Variants in FAM135B observed in about 807,000 individuals in gnomAD.
FAM135B encodes protein FAM135B.
A neutral mutation model predicts 127.7 loss-of-function variants in FAM135B; 43 were observed. That is an observed-to-expected ratio of 0.34 (90% CI 0.26 to 0.43). FAM135B has a LOEUF of 0.43. Ranked by LOEUF, FAM135B falls within the 20% of genes least tolerant of loss-of-function variation. The probability of loss-of-function intolerance (pLI) is 1.00; values close to 1 mark genes in which losing one functional copy is unlikely to be tolerated. For synonymous variants in FAM135B, 670 were observed against 665.1 expected (o/e 1.01, Z -0.11); for missense variants, 1,558 against 1,725.6 (o/e 0.90, Z 1.72).
At chr8:138,334,944 A>G (rs1828455640) in intron 2 of FAM135B, among the ~76,000 whole-genome samples, 1 of 152,184 alleles carries the variant, frequency 6.6e-6, no homozygotes, top group African/African-American at 2.4e-5. Flanking sequence ...GCAGAATCTT[A>G]TTTTTGTTTA....
intron 1 of FAM135B, among the ~76,000 whole-genome samples, chr8:138,492,123 A>G (rs1815227490): frequency 6.6e-6 from 1 of 152,108 alleles, no homozygotes; most frequent in Non-Finnish European, 1.5e-5. Flanking sequence ...CACAGTAGAC[A>G]CTGGGAAGCA....
chr8:138,440,171 A>G (rs1835679644), intron 1 of FAM135B: 1 of 152,168 alleles, frequency 6.6e-6, no homozygotes, highest in South Asian at 2.1e-4. Flanking sequence ...CATCTCAGTT[A>G]AGACTTAAAG....
intron 1 of FAM135B, among the ~76,000 whole-genome samples, chr8:138,428,075 A>G (rs185377597): frequency 1.3e-5 from 2 of 152,278 alleles, no homozygotes; most frequent in East Asian, 1.9e-4. Context: ...TGGGTGTCAA[A>G]CTTTGGGCTA....
Position 138,143,113 on chromosome 8 carries a change from G to C in FAM135B, c.3541-4C>G, listed in dbSNP as rs2130627513. The C allele has an allele frequency of 6.5e-7, 1 of 1,541,418 alleles. No individual in the cohort carries two copies. The highest frequency in any genetic ancestry group is 9.0e-7 in the Non-Finnish European group (1 of 1,114,078). On this transcript the variant is annotated splice_polypyrimidine_tract_variant and splice_region_variant and intron_variant, in intron 15 of 19. Coordinates refer to ENST00000395297, the MANE Select transcript of FAM135B (RefSeq NM_015912.4). ...CAAAATCTGCAAATGTGTCCATCTG[G>C]AAGAAGAGAGAGGAACAGGTGTTGG...
intron 2 of FAM135B, among the ~76,000 whole-genome samples, chr8:138,318,567 A>T (rs1827241845): frequency 6.6e-6 from 1 of 152,234 alleles, no homozygotes; most frequent in Admixed American, 6.5e-5. Context: ...CATTGGAAAG[A>T]TCTAACCAGT....
At position 138,178,555 on chromosome 8, in the gene FAM135B, G is replaced by A. The variant is rs1178882598; in HGVS notation, c.1009C>T (p.Gln337Ter). The A allele has an allele frequency of 6.2e-7, 1 of 1,613,922 alleles. No homozygotes were observed. The highest frequency in any genetic ancestry group is 8.5e-7 in the Non-Finnish European group (1 of 1,180,024). ...CTCACCCTCAGGGTGTGGTGTTCCTGGGTGAGATAAGTGGTCACTTGGGAG... is the reference window on the plus strand; with the variant it reads ...CTCACCCTCAGGGTGTGGTGTTCCTAGGTGAGATAAGTGGTCACTTGGGAG... ...LHSQVTTYLTQEHHTLRVRRF... is the reference protein window; with the variant it reads ...LHSQVTTYLT Residue 337 changes from glutamine (Q) to a stop codon, truncating the protein, a stop_gained, in exon 10 of 20, where the codon CAG becomes TAG. Transcript: ENST00000395297. LOFTEE classifies it high-confidence loss of function.
Position 138,170,512 on chromosome 8 carries a change from G to A in FAM135B, c.1104-2463C>T, listed in dbSNP as rs142436254. Among the ~76,000 whole-genome samples, 827 of 152,266 alleles carry A rather than the reference G, an allele frequency of 5.4e-3. 6 individuals are homozygous for A. The highest frequency in any genetic ancestry group is 0.018 in the African/African-American group (743 of 41,554). ...ACTGGGATTACAGGCGTGAGCCACC[G>A]CGCCCGGCCCACTATCTTTATTTGA... On this transcript the variant is annotated intron_variant, in intron 11 of 19. Coordinates refer to ENST00000395297, the MANE Select transcript of FAM135B (RefSeq NM_015912.4).
chr8:138,256,598 G>C (rs1822105960), intron 5 of FAM135B, 91 bp downstream of exon 5: 1 of 1,040,884 alleles, frequency 9.6e-7, no homozygotes, highest in African/African-American at 1.6e-5. Flanking sequence ...GAGACGTTCT[G>C]AGGTTCAAGG....
At chr8:138,445,688 G>T (rs910622523) in intron 1 of FAM135B, among the ~76,000 whole-genome samples, 1 of 152,098 alleles carries the variant, frequency 6.6e-6, no homozygotes, top group Non-Finnish European at 1.5e-5. Flanking sequence ...CAAACCCACG[G>T]CCAATATCAT....
intron 2 of FAM135B, among the ~76,000 whole-genome samples, chr8:138,331,288 T>C (rs1828156314): frequency 6.6e-6 from 1 of 152,204 alleles, no homozygotes; most frequent in Non-Finnish European, 1.5e-5. Flanking sequence ...GACTCAGGCA[T>C]TCAAGTTGCT....
At chr8:138,246,813 C>T (rs977161400) in intron 6 of FAM135B, among the ~76,000 whole-genome samples, 8 of 152,176 alleles carry the variant, frequency 5.3e-5, no homozygotes, top group Admixed American at 3.9e-4. Context: ...AACATCAGCC[C>T]ATGAAAGCAG....
intron 2 of FAM135B, among the ~76,000 whole-genome samples, chr8:138,344,063 A>T (rs1184267896): frequency 6.6e-6 from 1 of 152,202 alleles, no homozygotes; most frequent in Non-Finnish European, 1.5e-5. Flanking sequence ...GAGGCTAGGG[A>T]GAGGCAGTGA....
intron 1 of FAM135B, among the ~76,000 whole-genome samples, chr8:138,400,305 C>T (rs985165969): frequency 6.6e-6 from 1 of 152,146 alleles, no homozygotes; most frequent in Non-Finnish European, 1.5e-5. Context: ...CAGTCGCTTA[C>T]TCCAGCCCCT....
chr8:138,483,392 TCCAAGCTGGGGTCTTAG>T (rs1258477618), intron 1 of FAM135B, among the ~76,000 whole-genome samples: 4 of 152,148 alleles, frequency 2.6e-5, no homozygotes, highest in African/African-American at 7.2e-5. Context: ...CTGTCAGGCC[TCCAAGCTGGGGTCTTAG>T]CCAAGCTGCT....
intron 1 of FAM135B, among the ~76,000 whole-genome samples, chr8:138,420,277 T>C (rs975237242): frequency 4.6e-5 from 7 of 151,966 alleles, no homozygotes; most frequent in Admixed American, 1.3e-4. Context: ...CCTGGAAACA[T>C]AAAATTTCCC....
At chr8:138,420,886 A>G (rs1834458680) in intron 1 of FAM135B, among the ~76,000 whole-genome samples, 1 of 152,224 alleles carries the variant, frequency 6.6e-6, no homozygotes, top group Non-Finnish European at 1.5e-5. Flanking sequence ...AAGCCAACAT[A>G]ATTCTGAATG....
Position 138,191,051 on chromosome 8 carries a change from A to G in FAM135B, c.873+4207T>C, listed in dbSNP as rs139234174. Among the ~76,000 whole-genome samples the G allele has an allele frequency of 1.2e-4, 19 of 152,302 alleles. No homozygotes were observed. The East Asian group carries it at 3.7e-3, about 29-fold the overall frequency. On this transcript the variant is annotated intron_variant, in intron 9 of 19. Transcript: ENST00000395297. ...TGTGTCATGAGCCATGGTCACTCAT[A>G]TTTGGCTCAGAATAAATCTCCTCTA... is the stretch of plus-strand genomic sequence containing the variant.
intron 2 of FAM135B, among the ~76,000 whole-genome samples, chr8:138,366,063 C>T (rs189700925): frequency 9.3e-4 from 141 of 152,110 alleles, no homozygotes; most frequent in Admixed American, 1.3e-3. Context: ...GCCCACTTTG[C>T]ACCTTAAATA....
intron 2 of FAM135B, among the ~76,000 whole-genome samples, chr8:138,359,266 T>C (rs917830319): frequency 6.6e-6 from 1 of 152,154 alleles, no homozygotes; most frequent in Non-Finnish European, 1.5e-5. Flanking sequence ...TACCCCTTTG[T>C]GCTAGATGAA....
Sources: allele counts gnomAD v4.1 joint callset (sites outside exome capture counted in the v4.1 genomes callset), GRCh38; gene constraint gnomAD v4.1.1; transcripts MANE v1.5; gene names NCBI Gene and HGNC (gene_info 2026-07-23, HGNC 2026-07-21).